The following CTNND2 variants were observed in gnomAD, a reference collection of about 807,000 sequenced individuals.
CTNND2 encodes catenin delta 2, also known as catenin delta-2.
In CTNND2, 22 loss-of-function variants were observed where a neutral mutation model predicts 144.4. The ratio of observed to expected loss-of-function variants is 0.15; its 90% CI spans 0.11 to 0.22. The LOEUF is 0.22. Among genes scored for constraint, CTNND2 ranks in the 10% least tolerant of loss-of-function variants. CTNND2 has a pLI of 1.00. For missense variants in CTNND2, 1,353 were observed against 1,618.8 expected, an observed-to-expected ratio of 0.84 and a Z score of 2.82; for synonymous variants, 751 against 695.6, an observed-to-expected ratio of 1.08 and a Z score of -1.25.
At chr5:11,276,752 G>T (rs76779807) in intron 9 of CTNND2, among the ~76,000 whole-genome samples, 6,299 of 152,246 alleles carry the variant, frequency 0.041, 193 homozygotes, top group Non-Finnish European at 0.062. Flanking sequence ...CCAATGACTG[G>T]TGTCCTTATA....
chr5:11,347,080 T>TTGAATTGAA (rs1162886629), intron 8 of CTNND2, among the ~76,000 whole-genome samples: 3 of 152,252 alleles, frequency 2.0e-5, no homozygotes, highest in Non-Finnish European at 4.4e-5. Flanking sequence ...GTAGTTAATT[T>TTGAATTGAA]TCTTGAATCA....
In CTNND2 at chr5:11,421,439, G is replaced by C. The variant is rs116450932; in HGVS notation, c.288-9370C>G. ...ACTTTTGGTTTTGCATATTGGCTTC[G>C]AGGCACCAAACAGGGAAACACCCCA... On this transcript the variant is annotated intron_variant, in intron 3 of 21. Transcript: ENST00000304623. Among the ~76,000 whole-genome samples the C allele has an allele frequency of 9.3e-3, 1,420 of 152,212 alleles. 24 individuals carry two copies. The highest frequency in any genetic ancestry group is 0.027 in the African/African-American group (1,107 of 41,522).
At chr5:11,433,176 A>C (rs1234093248) in intron 3 of CTNND2, among the ~76,000 whole-genome samples, 1 of 151,566 alleles carries the variant, frequency 6.6e-6, no homozygotes, top group Admixed American at 6.6e-5. Context: ...AACCCGGGAG[A>C]CAGAGCTTGC....
At chr5:11,792,471 A>G (rs981701233) in intron 1 of CTNND2, among the ~76,000 whole-genome samples, 3 of 152,214 alleles carry the variant, frequency 2.0e-5, no homozygotes, top group Non-Finnish European at 4.4e-5. Context: ...GAATGCATGA[A>G]TATTTTATTA....
intron 2 of CTNND2, among the ~76,000 whole-genome samples, chr5:11,709,812 T>G (rs1561717302): frequency 6.6e-6 from 1 of 152,214 alleles, no homozygotes; most frequent in East Asian, 1.9e-4. Context: ...AACTAATGTT[T>G]TCTTAGCTAA....
chr5:11,801,830 C>G (rs190814818), intron 1 of CTNND2, among the ~76,000 whole-genome samples: 376 of 152,204 alleles, frequency 2.5e-3, no homozygotes, highest in Non-Finnish European at 4.1e-3. Context: ...GTGTATTTTA[C>G]AGTGATTTGT....
intron 2 of CTNND2, among the ~76,000 whole-genome samples, chr5:11,616,814 C>T (rs914416210): frequency 1.3e-5 from 2 of 152,160 alleles, no homozygotes; most frequent in Admixed American, 1.3e-4. Flanking sequence ...GCCATGTCAG[C>T]CAGTCTTGTC....
intron 14 of CTNND2, among the ~76,000 whole-genome samples, chr5:11,101,145 G>T (rs1033627177): frequency 6.6e-6 from 1 of 152,130 alleles, no homozygotes; most frequent in Non-Finnish European, 1.5e-5. Context: ...TGAAGAAAAA[G>T]GACTATTTCA....
chr5:11,390,945 G>A (rs949713951), intron 6 of CTNND2, among the ~76,000 whole-genome samples: 2 of 152,178 alleles, frequency 1.3e-5, no homozygotes, highest in Admixed American at 6.5e-5. Context: ...GTTATGACAG[G>A]TGCAGCTGGG....
intron 1 of CTNND2, among the ~76,000 whole-genome samples, chr5:11,762,364 G>A (rs1202049703): frequency 6.6e-6 from 1 of 152,038 alleles, no homozygotes; most frequent in African/African-American, 2.4e-5. Flanking sequence ...CGTAAGTTTT[G>A]GTTATTAGAT....
intron 1 of CTNND2, among the ~76,000 whole-genome samples, chr5:11,801,535 T>A (rs1295615696): frequency 6.6e-6 from 1 of 152,246 alleles, no homozygotes; most frequent in African/African-American, 2.4e-5. Flanking sequence ...ATTTTTGCAA[T>A]GTTTCTGGCA....
intron 2 of CTNND2, among the ~76,000 whole-genome samples, chr5:11,645,658 C>A (rs1230237330): frequency 6.6e-6 from 1 of 152,152 alleles, no homozygotes; most frequent in Non-Finnish European, 1.5e-5. Context: ...ATAGCACTTC[C>A]AGATACTTCT....
intron 1 of CTNND2, among the ~76,000 whole-genome samples, chr5:11,774,660 A>G (rs1790153078): frequency 6.6e-6 from 1 of 152,074 alleles, no homozygotes; most frequent in Non-Finnish European, 1.5e-5. Flanking sequence ...ATATGGAAGT[A>G]GTATGTATCT....
intron 1 of CTNND2, among the ~76,000 whole-genome samples, chr5:11,755,771 C>T (rs1462476906): frequency 2.0e-5 from 3 of 150,686 alleles, no homozygotes; most frequent in Non-Finnish European, 4.4e-5. Context: ...GTGAGCTTTT[C>T]AGCTCTACCA....
intron 1 of CTNND2, among the ~76,000 whole-genome samples, chr5:11,817,567 AG>A (rs1478882840): frequency 2.0e-5 from 3 of 151,584 alleles, no homozygotes; most frequent in African/African-American, 7.3e-5. Flanking sequence ...AAGGTAGTGA[AG>A]GGGGGAAGCG....
chr5:11,262,256 G>A (rs770567651), intron 9 of CTNND2, among the ~76,000 whole-genome samples: 2 of 152,110 alleles, frequency 1.3e-5, no homozygotes, highest in Non-Finnish European at 2.9e-5. Flanking sequence ...CAGTCAACCT[G>A]AGCAACATAA....
At chr5:11,184,867 G>GGA (rs1735457387) in intron 11 of CTNND2, among the ~76,000 whole-genome samples, 4 of 152,174 alleles carry the variant, frequency 2.6e-5, no homozygotes, top group Admixed American at 2.6e-4. Context: ...AGGCAAATAT[G>GGA]GATGGAAGGA....
intron 9 of CTNND2, among the ~76,000 whole-genome samples, chr5:11,271,946 A>C (rs1302058253): frequency 6.6e-6 from 1 of 152,184 alleles, no homozygotes; most frequent in Non-Finnish European, 1.5e-5. Flanking sequence ...GAATTGTACA[A>C]ATGAAAATAT....
chr5:11,097,173 G>A (rs1175967021), intron 15 of CTNND2, among the ~76,000 whole-genome samples: 1 of 152,182 alleles, frequency 6.6e-6, no homozygotes, highest in Admixed American at 6.5e-5. Context: ...TGGAGCCTCG[G>A]TTTGAACTGT....
Sources: gnomAD v4.1 joint callset for allele counts (sites outside exome capture counted in the v4.1 genomes callset) on GRCh38, gnomAD v4.1.1 for gene constraint, MANE v1.5 for transcripts, NCBI Gene and HGNC (gene_info 2026-07-23, HGNC 2026-07-21) for gene names.